Variants in SERPINB8 observed in about 807,000 individuals in gnomAD.
SERPINB8 encodes the protein serpin family B member 8.
A neutral mutation model predicts 35.3 loss-of-function variants in SERPINB8; 25 were observed. The ratio of observed to expected loss-of-function variants is 0.71; its 90% CI spans 0.52 to 0.99. The LOEUF (loss-of-function observed/expected upper bound fraction) is 0.99. Ranked by LOEUF, SERPINB8 falls within the 50% of genes least tolerant of loss-of-function variation. The pLI, the probability that SERPINB8 is intolerant of heterozygous loss-of-function variation, is 0.00. For missense variants in SERPINB8, 484 were observed against 446.5 expected (o/e 1.08, Z -0.76); for synonymous variants, 186 against 160.8 (o/e 1.16, Z -1.19).
At chr18:64,009,999 C>T (rs1004487457), downstream of SERPINB8, among the ~76,000 whole-genome samples, 3 of 151,808 alleles carry the variant, frequency 2.0e-5, no homozygotes, top group African/African-American at 2.4e-5. Context: ...AAAATACAAA[C>T]AGAAACTAAG....
At chr18:63,989,761 G>A (rs897368670), downstream of SERPINB8, among the ~76,000 whole-genome samples, 5 of 151,656 alleles carry the variant, frequency 3.3e-5, no homozygotes, top group East Asian at 9.8e-4. Context: ...GGCTAAAACG[G>A]TGAAACCCCG....
intron 1 of SERPINB8, among the ~76,000 whole-genome samples, chr18:63,972,319 G>T (rs1181295087): frequency 6.6e-6 from 1 of 152,134 alleles, no homozygotes; most frequent in Non-Finnish European, 1.5e-5. Flanking sequence ...GAATAATACT[G>T]TATTACTCTG....
intron 1 of SERPINB8, 55 bp from the exon 2 acceptor site, chr18:63,978,244 G>A (rs894191328): frequency 7.5e-6 from 12 of 1,591,720 alleles, no homozygotes; most frequent in African/African-American, 6.7e-5. Context: ...GAATGACTGC[G>A]TGGCTACCGG....
intron 4 of SERPINB8, among the ~76,000 whole-genome samples, chr18:63,982,110 G>C (rs1028347894): frequency 6.6e-6 from 1 of 152,188 alleles, no homozygotes; most frequent in African/African-American, 2.4e-5. Context: ...TTGGAATTCT[G>C]TTAATCTTCT....
rs1442609963 is a variant in SERPINB8, at chr18:63,987,306, C to A, written c.*28C>A. ...AGGAGCAATTGCTGTACATACCCTCCTTTCCTTCTACCTATCTTGCCTTAA... is the reference window on the plus strand; with the variant it reads ...AGGAGCAATTGCTGTACATACCCTCATTTCCTTCTACCTATCTTGCCTTAA... On this transcript the variant is annotated 3_prime_UTR_variant, in exon 7 of 7. Transcript: ENST00000397985. 1 of 1,575,568 alleles carries A rather than the reference C, an allele frequency of 6.3e-7. No homozygotes were observed. The highest frequency in any genetic ancestry group is 8.6e-7 in the Non-Finnish European group (1 of 1,160,506).
chr18:63,986,340 C>T (rs1198227489), intron 6 of SERPINB8: 3 of 1,600,084 alleles, frequency 1.9e-6, no homozygotes, highest in African/African-American at 2.7e-5. Context: ...AGTCTTCTTG[C>T]ATTCCCCATT....
rs1007527323 is a variant in SERPINB8, at chr18:63,988,773, A to G, written c.*1495A>G. ...TCTGTTAGGCCACATTCATTTAGGG[A>G]TCATGTTTTCCAAAGCAGGTTTGGG... On this transcript the variant is annotated 3_prime_UTR_variant, in exon 7 of 7. Transcript: ENST00000397985. The G allele has an allele frequency of 6.6e-6, 1 of 152,232 alleles. No homozygotes were observed. Among genetic ancestry groups the G allele is most frequent in the African/African-American group, 2.4e-5 (1 of 41,448 alleles). The allele number at this position is 152,232 out of a possible 1,614,324, so 9.4% of individuals were successfully genotyped here. A position where few individuals can be genotyped will look rare whatever the true frequency, so the allele number is the denominator to read the frequency against.
downstream of SERPINB8, among the ~76,000 whole-genome samples, chr18:64,009,718 C>T (rs1418083331): frequency 1.3e-5 from 2 of 152,202 alleles, no homozygotes; most frequent in Non-Finnish European, 2.9e-5. Flanking sequence ...AAGAATCAGA[C>T]CTTGATGATG....
At chr18:63,975,889 A>G (rs2050574133) in intron 1 of SERPINB8, among the ~76,000 whole-genome samples, 1 of 152,162 alleles carries the variant, frequency 6.6e-6, no homozygotes. Flanking sequence ...CCTGTGCTCT[A>G]AGAGACCCAG....
Position 63,978,345 on chromosome 18 carries a change from A to T in SERPINB8, c.37A>T (p.Ile13Phe). The change falls in exon 2 of 7, where the codon ATC (isoleucine) becomes TTC (phenylalanine). Residue 13 changes from isoleucine to phenylalanine, a missense_variant. Physicochemically the swap from Ile to Phe is conservative, Grantham distance 21. Coordinates refer to ENST00000397985, the MANE Select transcript of SERPINB8 (RefSeq NM_002640.4). ...DLCEANGTFA[I>F]SLFKILGEED... ...CTGTGAAGCAAATGGCACTTTTGCC[A>T]TCAGCTTATTTAAAATATTGGGGGA... 1 of 1,614,182 alleles carries T rather than the reference A, an allele frequency of 6.2e-7. No individual in the cohort carries two copies. The highest frequency in any genetic ancestry group is 8.5e-7 in the Non-Finnish European group (1 of 1,180,036).
chr18:64,017,109 T>C (rs1359168079), intron 7 of SERPINB8, among the ~76,000 whole-genome samples: 1 of 152,176 alleles, frequency 6.6e-6, no homozygotes, highest in Non-Finnish European at 1.5e-5. Context: ...CCTGAACCTA[T>C]TCTTTAAATT....
intron 3 of SERPINB8, among the ~76,000 whole-genome samples, chr18:63,980,918 T>C (rs2050660603): frequency 6.6e-6 from 1 of 152,244 alleles, no homozygotes; most frequent in African/African-American, 2.4e-5. Flanking sequence ...TGGGTTTTAA[T>C]GTGTTGGGTA....
At chr18:64,000,044 A>C (rs2050866975) in intron 1 of SERPINB8, among the ~76,000 whole-genome samples, 1 of 152,140 alleles carries the variant, frequency 6.6e-6, no homozygotes, top group African/African-American at 2.4e-5. Context: ...GAGCAGCTGC[A>C]TAGCCCTGGA....
intron 1 of SERPINB8, among the ~76,000 whole-genome samples, chr18:63,970,797 T>C (rs2050461782): frequency 2.0e-5 from 3 of 150,156 alleles, no homozygotes; most frequent in African/African-American, 7.3e-5. Flanking sequence ...CCCCCCTCCG[T>C]TCTTTCCACC....
chr18:63,978,165 A>T, intron 1 of SERPINB8, 134 bp from the exon 2 acceptor site: 1 of 832,100 alleles, frequency 1.2e-6, no homozygotes, highest in Non-Finnish European at 1.9e-6. Context: ...AGGTTTTGGG[A>T]ATTAGGAGTG....
chr18:63,990,715 G>T (rs1434680534), downstream of SERPINB8, among the ~76,000 whole-genome samples: 1 of 134,720 alleles, frequency 7.4e-6, no homozygotes, highest in African/African-American at 2.8e-5. Flanking sequence ...CCCTTCCTGT[G>T]TCCATGTGTT....
chr18:63,986,137 C>CA, intron 6 of SERPINB8: 2 of 869,942 alleles, frequency 2.3e-6, no homozygotes, highest in Middle Eastern at 4.6e-4. Flanking sequence ...GAAATAGAGT[C>CA]AAAATCAAAA....
In SERPINB8 at chr18:64,014,268, G is replaced by A. The variant is rs185625251; in HGVS notation, c.*3-4642G>A. 9.2e-5 allele frequency among the ~76,000 whole-genome samples: 14 copies of A among 152,322 alleles called. No homozygotes were observed. In the East Asian group the frequency reaches 2.7e-3, roughly 29 times the overall value. ...ATGTACCAGGATAGGTATGGGAATA[G>A]TGAGGGCAGATAAATTATACAAGGA... is the stretch of plus-strand genomic sequence containing the variant. On this transcript the variant is annotated intron_variant, in intron 7 of 7. Transcript: ENST00000636430.
Position 63,987,105 on chromosome 18 carries a change from T to A in SERPINB8, c.952T>A (p.Phe318Ile). 5.0e-6 allele frequency: 8 copies of A among 1,614,172 alleles called. No individual in the cohort carries two copies. The highest frequency in any genetic ancestry group is 6.8e-6 in the Non-Finnish European group (8 of 1,180,040). Residue 318 changes from phenylalanine to isoleucine, a missense_variant, in exon 7 of 7, where the codon TTC becomes ATC. Transcript: ENST00000397985. ...VPLSKVAHKC[F>I]VEVNEEGTEA... ...TCTGTCCAAGGTTGCCCACAAGTGC[T>A]TCGTGGAGGTCAATGAGGAAGGCAC...
Sources: allele counts gnomAD v4.1 joint callset (sites outside exome capture counted in the v4.1 genomes callset), GRCh38; gene constraint gnomAD v4.1.1; transcripts MANE v1.5; gene names NCBI Gene and HGNC (gene_info 2026-07-23, HGNC 2026-07-21).